The following NAGPA variants were observed in gnomAD, a reference collection of about 807,000 sequenced individuals.
The protein encoded by NAGPA is N-acetylglucosamine-1-phosphodiester alpha-N-acetylglucosaminidase.
A neutral mutation model predicts 48.5 loss-of-function variants in NAGPA; 56 were observed. That is an observed-to-expected ratio of 1.15 (90% confidence interval 0.93 to 1.44). NAGPA has a LOEUF of 1.44. Ranked by LOEUF, NAGPA falls within the 40% of genes most tolerant of loss-of-function variation. The probability of loss-of-function intolerance (pLI) is 0.00; values close to 1 mark genes in which losing one functional copy is unlikely to be tolerated. For synonymous variants in NAGPA, 399 were observed against 315.5 expected, an observed-to-expected ratio of 1.26 and a Z score of -2.81; for missense variants, 888 against 735.0, an observed-to-expected ratio of 1.21 and a Z score of -2.41.
rs1031004980 is a variant in NAGPA at position 5,025,808 on chromosome 16, C to A, written c.1341-123G>T. The A allele has an allele frequency of 2.7e-5, 27 of 1,008,606 alleles. 1 individual carries two copies. In the South Asian group the frequency reaches 3.6e-4, roughly 13 times the overall value. The allele number at this position is 1,008,606 out of a possible 1,614,324, so 62.5% of individuals were successfully genotyped here. A position where few individuals can be genotyped will look rare whatever the true frequency, so the allele number is the denominator to read the frequency against. On this transcript the variant is annotated intron_variant, in intron 9 of 9. Coordinates refer to ENST00000312251, the MANE Select transcript of NAGPA (RefSeq NM_016256.4). ...CTAAATCAGGTGCCTCCAGGGACCA[C>A]ACAGGGAATGTTATGAGCAAAATGG... is the stretch of plus-strand genomic sequence containing the variant.
At chr16:5,030,756 A>G (rs1956083194) in intron 3 of NAGPA, 1 of 527,676 alleles carries the variant, frequency 1.9e-6, no homozygotes, top group Non-Finnish European at 3.4e-6. Context: ...CAAAATCCAA[A>G]GAGCCAGCAT....
At chr16:5,032,169 T>C (rs1019294900) in intron 2 of NAGPA, among the ~76,000 whole-genome samples, 12 of 152,106 alleles carry the variant, frequency 7.9e-5, no homozygotes, top group Non-Finnish European at 1.5e-4. Flanking sequence ...CAAATCCATC[T>C]ATGGCCCTCA....
intron 7 of NAGPA, 112 bp from the exon 8 acceptor site, chr16:5,027,491 C>A (rs1011444319): frequency 5.9e-6 from 7 of 1,189,890 alleles, no homozygotes; most frequent in African/African-American, 4.5e-5. Flanking sequence ...TGTACAGAGC[C>A]GGGCTAAAGG....
At chr16:5,031,706 T>G (rs1956098580) in intron 3 of NAGPA, 39 bp downstream of exon 3, 3 of 1,613,718 alleles carry the variant, frequency 1.9e-6, no homozygotes, top group Non-Finnish European at 2.5e-6. Context: ...CTGGTCCTGG[T>G]TCTCGAGAGG....
At chr16:5,031,277 C>T (rs1446001505) in intron 3 of NAGPA, 3 of 244,126 alleles carry the variant, frequency 1.2e-5, no homozygotes, top group Non-Finnish European at 2.4e-5. Context: ...GTCCCCATCC[C>T]AGTATTCTGC....
chr16:5,029,459 C>T lies in NAGPA; in HGVS notation c.792-451G>A, dbSNP rs896600931. ...AGGGAAACCAAGACCTCAGTCACAA[C>T]TGAGGAGGCGACGGGGATTCTTCCA... On this transcript the variant is annotated intron_variant, in intron 4 of 9. Transcript: ENST00000312251. 5 of 271,166 alleles carry T rather than the reference C, an allele frequency of 1.8e-5. No individual in the cohort carries two copies. In the East Asian group the frequency reaches 2.9e-4, roughly 16 times the overall value. The allele number at this position is 271,166 out of a possible 1,614,324, so 16.8% of individuals were successfully genotyped here.
Position 5,025,492 on chromosome 16 carries a change from G to T in NAGPA, c.1534C>A (p.Pro512Thr), listed in dbSNP as rs774734976. 1.9e-6 allele frequency: 3 copies of T among 1,612,226 alleles called. No individual in the cohort carries two copies. The Admixed American group carries it at 5.0e-5, about 27-fold the overall frequency. ...EKEQPGGAHN[P>T]FKD ...AGCTTGAGGCTTCAGTCCTTGAAGG[G>T]GTTGTGGGCGCCCCCTGGCTGCTCC... is the stretch of plus-strand genomic sequence containing the variant. The change falls in exon 10 of 10, where the codon CCC becomes ACC. Residue 512 changes from proline to threonine, a missense_variant. Transcript: ENST00000312251.
rs780836310 is a variant in NAGPA at position 5,028,863 on chromosome 16, G to A, written c.920+17C>T. On this transcript the variant is annotated intron_variant, in intron 5 of 9. Coordinates refer to ENST00000312251, the MANE Select transcript of NAGPA (RefSeq NM_016256.4). ...CCTGGACTTCAGCCCTCACGAAGGC[G>A]GCTCTCACGTGCTTACCAGTGATCT... 5.0e-6 allele frequency: 8 copies of A among 1,613,782 alleles called. No homozygotes were observed. Among genetic ancestry groups the A allele is most frequent in the African/African-American group, 2.7e-5 (2 of 74,920 alleles).
In NAGPA at chr16:5,033,380, C is replaced by G; in HGVS notation, c.435G>C (p.Ser145=). The part of the protein sequence containing the change: ...AQNGGFFRMN[S]GECLGNVVSD... Reference sequence around the variant, plus strand: ...TCACCACGTTCCCCAGGCACTCGCCCGAGTTCATGCGGAAGAAGCCGCCGT... The same window carrying G: ...TCACCACGTTCCCCAGGCACTCGCCGGAGTTCATGCGGAAGAAGCCGCCGT... The change falls in exon 2 of 10, where the codon TCG becomes TCC. Residue 145 remains serine (S), a synonymous_variant. Transcript: ENST00000312251. This position sits in a 1 kb window ranked among gnomAD's most constrained non-coding sequence, Gnocchi z 4.2. 1.3e-6 allele frequency: 2 copies of G among 1,597,322 alleles called. No individual in the cohort carries two copies. Among genetic ancestry groups the G allele is most frequent in the Non-Finnish European group, 1.7e-6 (2 of 1,179,420 alleles).
chr16:5,028,305 T>C, intron 5 of NAGPA, 120 bp from the exon 6 acceptor site: 1 of 1,525,668 alleles, frequency 6.6e-7, no homozygotes, highest in South Asian at 1.2e-5. Flanking sequence ...ACCTACAAGA[T>C]GGCGTCTATC....
chr16:5,024,916 G>T lies in NAGPA; in HGVS notation c.*562C>A. On this transcript the variant is annotated 3_prime_UTR_variant, in exon 10 of 10. Coordinates refer to ENST00000312251, the MANE Select transcript of NAGPA (RefSeq NM_016256.4). ...ATTCAAGTGATTAAAAAACTTCTTG[G>T]CAGCAGGATGACAAAACAGGTCTGT... 6.4e-6 allele frequency: 1 copy of T among 156,788 alleles called. No homozygotes were observed. The highest frequency in any genetic ancestry group is 1.4e-5 in the Non-Finnish European group (1 of 70,272). The allele number at this position is 156,788 out of a possible 1,614,324, so 9.7% of individuals were successfully genotyped here.
At chr16:5,026,075 C>T (rs1464527584) in intron 9 of NAGPA, among the ~76,000 whole-genome samples, 2 of 151,674 alleles carry the variant, frequency 1.3e-5, no homozygotes, top group African/African-American at 4.8e-5. Context: ...ACTACAGGCT[C>T]GAATCACCAC....
At chr16:5,028,328 G>A in intron 5 of NAGPA, 143 bp from the exon 6 acceptor site, 1 of 1,465,990 alleles carries the variant, frequency 6.8e-7, no homozygotes, top group Non-Finnish European at 9.3e-7. Context: ...TTTTTGAGAT[G>A]AGGTATTGCG....
intron 3 of NAGPA, chr16:5,030,879 C>G (rs945603994): frequency 3.1e-6 from 1 of 321,106 alleles, no homozygotes; most frequent in Non-Finnish European, 6.0e-6. Flanking sequence ...TTTTCTCTAG[C>G]TTGCTCCTTT....
intron 4 of NAGPA, chr16:5,029,867 T>C (rs1956069883): frequency 5.8e-6 from 1 of 171,966 alleles, no homozygotes; most frequent in Non-Finnish European, 1.2e-5. Flanking sequence ...GAGGTTGCAG[T>C]GAGCTGAGAT....
In NAGPA at chr16:5,033,635, C is replaced by A; in HGVS notation, c.180G>T (p.Glu60Asp). The A allele has an allele frequency of 6.5e-7, 1 of 1,534,586 alleles. No homozygotes were observed. The highest frequency in any genetic ancestry group is 8.7e-7 in the Non-Finnish European group (1 of 1,152,304). ...DCTRVRAGNR[E>D]HESWPPPPAT... Reference sequence around the variant, plus strand: ...CGGGAGGCGGAGGCCAACTCTCGTGCTCGCGGTTGCCGGCGCGCACCCGTG... The same window carrying A: ...CGGGAGGCGGAGGCCAACTCTCGTGATCGCGGTTGCCGGCGCGCACCCGTG... Residue 60 changes from glutamate to aspartate, a missense_variant, in exon 2 of 10, where the codon GAG becomes GAT. Transcript: ENST00000312251. This position sits in a 1 kb window ranked among gnomAD's most constrained non-coding sequence, Gnocchi z 4.2.
rs1596667667 is a variant in NAGPA, at chr16:5,031,943, G to A, written c.543-59C>T. On this transcript the variant is annotated intron_variant, in intron 2 of 9. Transcript: ENST00000312251. ...AGCAGGGGCAACTGCAGATAGTCAG[G>A]CTCTTTCTCCCTAGCCATCCCAACC... The A allele has an allele frequency of 1.1e-5, 18 of 1,610,838 alleles. No homozygotes were observed. The South Asian group carries it at 2.0e-4, about 18-fold the overall frequency.
Position 5,033,595 on chromosome 16 carries a change from C to G in NAGPA, c.220G>C (p.Gly74Arg), listed in dbSNP as rs767020820. The change falls in exon 2 of 10, where the codon GGC (glycine) becomes CGC (arginine). Residue 74 changes from glycine to arginine, a missense_variant. By Grantham distance (125) the Gly-to-Arg change is moderately radical (BLOSUM62 -2). Coordinates refer to ENST00000312251, the MANE Select transcript of NAGPA (RefSeq NM_016256.4). The surrounding 1 kb of genome is among the most constrained non-coding windows in gnomAD (Gnocchi z 4.2). The part of the protein sequence containing the change: ...WPPPPATPGA[G>R]GLAVRTFVSH... ...ACGAAGGTGCGCACGGCCAGACCGCCGGCGCCGGGAGTCGCGGGAGGCGGA... is the reference window on the plus strand; with the variant it reads ...ACGAAGGTGCGCACGGCCAGACCGCGGGCGCCGGGAGTCGCGGGAGGCGGA... 8.1e-6 allele frequency: 12 copies of G among 1,487,508 alleles called. No homozygotes were observed. In the Admixed American group the frequency reaches 1.5e-4, roughly 18 times the overall value. The allele number at this position is 1,487,508 out of a possible 1,614,324, so 92.1% of individuals were successfully genotyped here.
At chr16:5,027,940 C>A in intron 6 of NAGPA, 40 bp downstream of exon 6, 2 of 1,613,502 alleles carry the variant, frequency 1.2e-6, no homozygotes, top group Middle Eastern at 3.3e-4. Context: ...TAGGGCAAGG[C>A]AGGGCTGGGC....
Sources: gnomAD v4.1 joint callset for allele counts (sites outside exome capture counted in the v4.1 genomes callset) on GRCh38, gnomAD v4.1.1 for gene constraint, Gnocchi (gnomAD v3.1) non-coding constraint, MANE v1.5 for transcripts, NCBI Gene and HGNC (gene_info 2026-07-23, HGNC 2026-07-21) for gene names.